Variants in PLA2G6 observed in about 807,000 individuals in gnomAD.
PLA2G6 encodes the protein 85/88 kDa calcium-independent phospholipase A2.
A neutral mutation model predicts 83.8 loss-of-function variants in PLA2G6; 62 were observed. The observed-to-expected ratio is 0.74, with a 90% CI of 0.60 to 0.91. The LOEUF (loss-of-function observed/expected upper bound fraction) is 0.91. Ranked by LOEUF, PLA2G6 falls within the 40% of genes least tolerant of loss-of-function variation. The pLI is 0.00. For synonymous variants in PLA2G6, 417 were observed against 449.8 expected (o/e 0.93, Z 0.92); for missense variants, 944 against 1,102.0 (o/e 0.86, Z 2.03).
At chr22:38,125,335 T>C (rs2087790878) in intron 10 of PLA2G6, among the ~76,000 whole-genome samples, 1 of 152,094 alleles carries the variant, frequency 6.6e-6, no homozygotes, top group Non-Finnish European at 1.5e-5. Context: ...CGTGTGTGTG[T>C]GCGTGTGCCC....
chr22:38,112,820 G>A (rs1040015483), intron 15 of PLA2G6: 1 of 594,736 alleles, frequency 1.7e-6, no homozygotes, highest in Non-Finnish European at 3.0e-6. Context: ...ATGATGAGTG[G>A]GGGAAAGGGT....
Position 38,123,372 on chromosome 22 carries a change from G to C in PLA2G6, c.1428-114C>G. On this transcript the variant is annotated intron_variant, in intron 10 of 16. Coordinates refer to ENST00000332509, the MANE Select transcript of PLA2G6 (RefSeq NM_003560.4). This position sits in a 1 kb window ranked among gnomAD's most constrained non-coding sequence, Gnocchi z 4.1. Reference sequence around the variant, plus strand: ...TGTGTCCTGGCAGACAGACCCAGACGGACCCGAGGAACTTCTGTCCTATGC... The same window carrying C: ...TGTGTCCTGGCAGACAGACCCAGACCGACCCGAGGAACTTCTGTCCTATGC... The C allele has an allele frequency of 9.0e-7, 1 of 1,112,356 alleles. No individual in the cohort carries two copies. The highest frequency in any genetic ancestry group is 1.3e-6 in the Non-Finnish European group (1 of 757,572). The allele number at this position is 1,112,356 out of a possible 1,614,324, so 68.9% of individuals were successfully genotyped here.
At chr22:38,180,953 G>T (rs1331367481) in intron 1 of PLA2G6, among the ~76,000 whole-genome samples, 1 of 152,164 alleles carries the variant, frequency 6.6e-6, no homozygotes, top group Non-Finnish European at 1.5e-5. Context: ...CCTGTTGGGC[G>T]GGTAAGAGGC....
chr22:38,144,322 A>C (rs2089103948), intron 3 of PLA2G6: 1 of 152,220 alleles, frequency 6.6e-6, no homozygotes, highest in South Asian at 2.1e-4. Context: ...AAGTCCTGTT[A>C]GCTCTCTCTA....
At chr22:38,117,093 C>T (rs2087251607) in intron 12 of PLA2G6, among the ~76,000 whole-genome samples, 1 of 135,780 alleles carries the variant, frequency 7.4e-6, no homozygotes, top group Admixed American at 7.8e-5. Context: ...CAAGTTCTAC[C>T]ATAAATTCAA....
At position 38,124,217 on chromosome 22, in the gene PLA2G6, C is replaced by T. The variant is rs185981923; in HGVS notation, c.1428-959G>A. Among the ~76,000 whole-genome samples, 168 of 152,244 alleles carry T rather than the reference C, an allele frequency of 1.1e-3. 1 individual carries two copies. Among genetic ancestry groups the T allele is most frequent in the African/African-American group, 3.6e-3 (151 of 41,536 alleles). On this transcript the variant is annotated intron_variant, in intron 10 of 16. Transcript: ENST00000332509. ...TGTGTGGTGGTGCAATCACAGTTCACGGCAGCCTCAACCTTCTGAGCTCAA... is the reference window on the plus strand; with the variant it reads ...TGTGTGGTGGTGCAATCACAGTTCATGGCAGCCTCAACCTTCTGAGCTCAA...
chr22:38,148,867 T>C (rs1188532511), intron 2 of PLA2G6: 94 of 114,830 alleles, frequency 8.2e-4, no homozygotes, highest in South Asian at 4.1e-3. Context: ...TTCTTTTTTT[T>C]TTTTTTTTTT....
In PLA2G6 at chr22:38,112,618, C is replaced by CCCG. The variant is rs2086944999; in HGVS notation, c.2203-42_2203-41insCGG. The CCCG allele has an allele frequency of 2.0e-6, 3 of 1,489,420 alleles. No homozygotes were observed. In the African/African-American group the frequency reaches 4.2e-5, roughly 21 times the overall value. The allele number at this position is 1,489,420 out of a possible 1,614,324, so 92.3% of individuals were successfully genotyped here. On this transcript the variant is annotated intron_variant, in intron 15 of 16. Coordinates refer to ENST00000332509, the MANE Select transcript of PLA2G6 (RefSeq NM_003560.4). ...CTTGGTGAGTGCCGGGCCCACACCC[C>CCCG]GCCCGGCCCGCACCCCGCCCGGCCC...
intron 2 of PLA2G6, among the ~76,000 whole-genome samples, chr22:38,151,631 G>A (rs538590917): frequency 6.6e-6 from 1 of 152,340 alleles, no homozygotes; most frequent in East Asian, 1.9e-4. Context: ...AGTTAAATAT[G>A]TGGGGGGATC....
Position 38,140,024 on chromosome 22 carries a change from T to C in PLA2G6, c.755A>G (p.Asn252Ser), listed in dbSNP as rs2088804478. 1 of 1,611,074 alleles carries C rather than the reference T, an allele frequency of 6.2e-7. No homozygotes were observed. The highest frequency in any genetic ancestry group is 8.5e-7 in the Non-Finnish European group (1 of 1,178,648). Residue 252 changes from asparagine (N) to serine (S), a missense_variant, in exon 5 of 17, where the codon AAC (asparagine) becomes AGC (serine). Coordinates refer to ENST00000332509, the MANE Select transcript of PLA2G6 (RefSeq NM_003560.4). The stretch of plus-strand genomic sequence containing the variant: ...CATGGCCGAGTGGATGGGGTAGCCG[T>C]TGGGGCCCATGATGTTGCACCGAGC... ...CNARCNIMGPNGYPIHSAMKF... is the reference protein window; with the variant it reads ...CNARCNIMGPSGYPIHSAMKF...
rs1431532351 is a variant in PLA2G6, at chr22:38,123,034, C to T, written c.1591+61G>A. The T allele has an allele frequency of 1.4e-5, 21 of 1,471,476 alleles. No individual in the cohort carries two copies. Among genetic ancestry groups the T allele is most frequent in the South Asian group, 9.7e-5 (8 of 82,524 alleles). 91.2% of individuals were successfully genotyped at this position (1,471,476 alleles called of 1,614,324 possible). A position where few individuals can be genotyped will look rare whatever the true frequency, so the allele number is the denominator to read the frequency against. On this transcript the variant is annotated intron_variant, in intron 11 of 16. Coordinates refer to ENST00000332509, the MANE Select transcript of PLA2G6 (RefSeq NM_003560.4). The surrounding 1 kb of genome is among the most constrained non-coding windows in gnomAD (Gnocchi z 4.1). Reference sequence around the variant, plus strand: ...TTTTGCAAAGCCCTGAAGACAAACTCGGCCCCTTGAGGACACAGGTCTCAG... The same window carrying T: ...TTTTGCAAAGCCCTGAAGACAAACTTGGCCCCTTGAGGACACAGGTCTCAG...
Position 38,123,735 on chromosome 22 carries a change from G to A in PLA2G6, c.1428-477C>T, listed in dbSNP as rs2087665220. On this transcript the variant is annotated intron_variant, in intron 10 of 16. Coordinates refer to ENST00000332509, the MANE Select transcript of PLA2G6 (RefSeq NM_003560.4). The surrounding 1 kb of genome is among the most constrained non-coding windows in gnomAD (Gnocchi z 4.1). ...GAAGCAGGGGAGGAGGGGGCAGGGA[G>A]GAAGGGAGAGGTTCATGCCAGGGGC... Among the ~76,000 whole-genome samples the A allele has an allele frequency of 6.6e-6, 1 of 152,166 alleles. No homozygotes were observed. The highest frequency in any genetic ancestry group is 1.5e-5 in the Non-Finnish European group (1 of 68,038).
rs896497213 is a variant in PLA2G6, at chr22:38,123,817, C to G, written c.1428-559G>C. On this transcript the variant is annotated intron_variant, in intron 10 of 16. Coordinates refer to ENST00000332509, the MANE Select transcript of PLA2G6 (RefSeq NM_003560.4). The surrounding 1 kb of genome is among the most constrained non-coding windows in gnomAD (Gnocchi z 4.1). ...GTCATTGTCCCAAACGCCTCTGAGG[C>G]AGACCCTCCCTGACATCCCTGTGCT... Among the ~76,000 whole-genome samples, 3 of 152,130 alleles carry G rather than the reference C, an allele frequency of 2.0e-5. No individual in the cohort carries two copies. The highest frequency in any genetic ancestry group is 4.8e-5 in the African/African-American group (2 of 41,436).
At chr22:38,152,644 T>C (rs1417879106) in intron 2 of PLA2G6, among the ~76,000 whole-genome samples, 1 of 152,206 alleles carries the variant, frequency 6.6e-6, no homozygotes, top group African/African-American at 2.4e-5. Context: ...ATAAAACCTC[T>C]TTTCTATGTA....
intron 5 of PLA2G6, chr22:38,137,010 T>A (rs2145788819): frequency 6.6e-6 from 1 of 152,576 alleles, no homozygotes; most frequent in Admixed American, 6.5e-5. Context: ...AGTGCTGGGA[T>A]TAGAGGCATG....
At chr22:38,139,650 G>C (rs1158726332) in intron 5 of PLA2G6, 1 of 244,824 alleles carries the variant, frequency 4.1e-6, no homozygotes, top group Non-Finnish European at 8.3e-6. Context: ...GGTCAGGCTG[G>C]TCTCGAACTC....
At chr22:38,113,818 C>G in intron 14 of PLA2G6, 164 bp from the exon 15 acceptor site, 1 of 725,550 alleles carries the variant, frequency 1.4e-6, no homozygotes. Flanking sequence ...CAGCCAGCCT[C>G]TTGCACGTGA....
In PLA2G6 at chr22:38,120,507, G is replaced by A. The variant is rs549815071; in HGVS notation, c.1742+252C>T. ...AGGGCAGAGCCGGCAGGGCAGAGCC[G>A]GGCAGGGCAGAGCCAGGCAGGGCAG... is the stretch of plus-strand genomic sequence containing the variant. On this transcript the variant is annotated intron_variant, in intron 12 of 16. Coordinates refer to ENST00000332509, the MANE Select transcript of PLA2G6 (RefSeq NM_003560.4). Among the ~76,000 whole-genome samples, 11 of 146,540 alleles carry A rather than the reference G, an allele frequency of 7.5e-5. No homozygotes were observed. The South Asian group carries it at 1.3e-3, about 17-fold the overall frequency.
chr22:38,171,851 A>G (rs2090451061), intron 1 of PLA2G6, among the ~76,000 whole-genome samples: 1 of 151,452 alleles, frequency 6.6e-6, no homozygotes, highest in African/African-American at 2.4e-5. Flanking sequence ...TTATAAAGAC[A>G]GGGTCTTACC....
Sources: gnomAD v4.1 joint callset for allele counts (sites outside exome capture counted in the v4.1 genomes callset) on GRCh38, gnomAD v4.1.1 for gene constraint, Gnocchi (gnomAD v3.1) non-coding constraint, MANE v1.5 for transcripts, NCBI Gene and HGNC (gene_info 2026-07-23, HGNC 2026-07-21) for gene names.